REEP5: variants seen among roughly 807,000 people sequenced by gnomAD.
REEP5 encodes receptor expression-enhancing protein 5.
A neutral mutation model predicts 22.4 loss-of-function variants in REEP5; 24 were observed. The observed-to-expected ratio is 1.07, with a 90% CI of 0.78 to 1.51. The LOEUF is 1.51. Ranked by LOEUF, REEP5 falls within the 40% of genes most tolerant of loss-of-function variation. The probability of loss-of-function intolerance (pLI) is 0.00; values close to 1 mark genes in which losing one functional copy is unlikely to be tolerated. For missense variants in REEP5, 252 were observed against 233.0 expected (o/e 1.08, Z -0.53); for synonymous variants, 103 against 88.6 (o/e 1.16, Z -0.92).
chr5:112,909,743 C>T (rs775921202), intron 2 of REEP5, among the ~76,000 whole-genome samples: 2 of 152,172 alleles, frequency 1.3e-5, no homozygotes, highest in Non-Finnish European at 2.9e-5. Flanking sequence ...TTCACTCCAC[C>T]CTTGCTGGCC....
chr5:112,890,300 A>G (rs1326974709), intron 3 of REEP5, among the ~76,000 whole-genome samples: 1 of 150,524 alleles, frequency 6.6e-6, no homozygotes, highest in African/African-American at 2.5e-5. Flanking sequence ...AAAAAGACAA[A>G]AAAAAGTTGA....
intron 4 of REEP5, among the ~76,000 whole-genome samples, chr5:112,880,010 T>G (rs1325279627): frequency 4.6e-5 from 7 of 152,172 alleles, no homozygotes; most frequent in Non-Finnish European, 5.9e-5. Flanking sequence ...TATACTAAAT[T>G]GTTTTTAAAA....
intron 2 of REEP5, among the ~76,000 whole-genome samples, chr5:112,904,353 T>C (rs1385601342): frequency 2.6e-5 from 4 of 152,180 alleles, no homozygotes; most frequent in Non-Finnish European, 5.9e-5. Flanking sequence ...TCATTTGGTA[T>C]AGTATGGCTT....
chr5:112,905,508 T>C (rs1768935055), intron 2 of REEP5, among the ~76,000 whole-genome samples: 1 of 148,536 alleles, frequency 6.7e-6, no homozygotes, highest in Admixed American at 6.8e-5. Flanking sequence ...ACCACTGCAC[T>C]CCAGCCTGGG....
At chr5:112,913,319 AC>A in intron 2 of REEP5, among the ~76,000 whole-genome samples, 1 of 140,448 alleles carries the variant, frequency 7.1e-6, no homozygotes, top group African/African-American at 3.3e-5. Context: ...AGAAAGAAAG[AC>A]AGACAGACAG....
At position 112,877,226 on chromosome 5, in the gene REEP5, T is replaced by C. The variant is rs1767924637; in HGVS notation, c.*1560A>G. 1 of 152,212 alleles carries C rather than the reference T, an allele frequency of 6.6e-6. No homozygotes were observed. The highest frequency in any genetic ancestry group is 6.5e-5 in the Admixed American group (1 of 15,268). 9.4% of individuals were successfully genotyped at this position (152,212 alleles called of 1,614,324 possible). A position where few individuals can be genotyped will look rare whatever the true frequency, so the allele number is the denominator to read the frequency against. ...GTGATACTGTCACTTAGTATTGATA[T>C]CTTTAATATTTTTTACATCATGAGA... On this transcript the variant is annotated 3_prime_UTR_variant, in exon 5 of 5. Transcript: ENST00000379638.
rs1351523208 is a variant in REEP5, at chr5:112,876,477, C to T, written c.*2309G>A. 2 of 152,180 alleles carry T rather than the reference C, an allele frequency of 1.3e-5. No homozygotes were observed. The highest frequency in any genetic ancestry group is 6.5e-5 in the Admixed American group (1 of 15,274). 9.4% of individuals were successfully genotyped at this position (152,180 alleles called of 1,614,324 possible). On this transcript the variant is annotated 3_prime_UTR_variant, in exon 5 of 5. Coordinates refer to ENST00000379638, the MANE Select transcript of REEP5 (RefSeq NM_005669.5). ...GTGATAACAGTGTGAAGGGTGTGCTCATTTTCTTCAGCTGTGAGTAGAGGA... is the reference window on the plus strand; with the variant it reads ...GTGATAACAGTGTGAAGGGTGTGCTTATTTTCTTCAGCTGTGAGTAGAGGA...
chr5:112,913,969 C>A (rs767618496), intron 2 of REEP5, among the ~76,000 whole-genome samples: 2 of 151,684 alleles, frequency 1.3e-5, no homozygotes, highest in Non-Finnish European at 2.9e-5. Context: ...GCCTGGGCAA[C>A]ATGGCAAAAC....
chr5:112,878,896 T>C (rs1484837471), intron 4 of REEP5, 61 bp from the exon 5 acceptor site: 5 of 1,612,716 alleles, frequency 3.1e-6, no homozygotes, highest in Non-Finnish European at 4.2e-6. Flanking sequence ...GAATGCAAGC[T>C]TGCAAGCTTT....
chr5:112,922,129 T>C lies in REEP5; in HGVS notation c.62A>G (p.Asp21Gly), dbSNP rs922299171. Residue 21 changes from aspartate to glycine, a missense_variant, in exon 1 of 5, where the codon GAC (aspartate) becomes GGC (glycine). Physicochemically the swap from Asp to Gly is moderately conservative, Grantham distance 94 (BLOSUM62 -1). Transcript: ENST00000379638. Reference sequence around the variant, plus strand: ...TTTGGCCTCGAGCTTGGCCAGAAGGTCAGTCATGCAGTTCTTCTCGTGCAG... The same window carrying C: ...TTTGGCCTCGAGCTTGGCCAGAAGGCCAGTCATGCAGTTCTTCTCGTGCAG... ...RFLHEKNCMT[D>G]LLAKLEAKTG... 2 of 1,606,246 alleles carry C rather than the reference T, an allele frequency of 1.2e-6. No homozygotes were observed. Among genetic ancestry groups the C allele is most frequent in the Non-Finnish European group, 1.7e-6 (2 of 1,176,728 alleles).
chr5:112,911,051 G>T (rs569087574), intron 2 of REEP5, among the ~76,000 whole-genome samples: 6 of 152,210 alleles, frequency 3.9e-5, no homozygotes, highest in Non-Finnish European at 8.8e-5. Context: ...AAATACGGTA[G>T]AAGGCTTTGG....
At chr5:112,890,808 T>A in intron 3 of REEP5, among the ~76,000 whole-genome samples, 1 of 150,936 alleles carries the variant, frequency 6.6e-6, no homozygotes, top group Non-Finnish European at 1.5e-5. Flanking sequence ...TTCTGCCATT[T>A]ACTAGCTAAG....
intron 2 of REEP5, among the ~76,000 whole-genome samples, chr5:112,908,101 G>T (rs7710836): frequency 0.17 from 13,943 of 82,728 alleles, 1,531 homozygotes; most frequent in African/African-American, 0.33. Flanking sequence ...TTTGTTTTTT[G>T]TTTTTTTTTT....
At chr5:112,908,267 GT>G (rs1322715215) in intron 2 of REEP5, among the ~76,000 whole-genome samples, 2 of 151,366 alleles carry the variant, frequency 1.3e-5, no homozygotes, top group African/African-American at 2.4e-5. Flanking sequence ...CGCCCCGCTA[GT>G]TTTTTTGTAT....
At chr5:112,904,288 T>C (rs1768908264) in intron 2 of REEP5, among the ~76,000 whole-genome samples, 1 of 152,238 alleles carries the variant, frequency 6.6e-6, no homozygotes, top group African/African-American at 2.4e-5. Flanking sequence ...ACAAGCATGT[T>C]AACCAAAGAA....
intron 2 of REEP5, among the ~76,000 whole-genome samples, chr5:112,912,862 C>A (rs1769136441): frequency 6.6e-6 from 1 of 152,166 alleles, no homozygotes; most frequent in African/African-American, 2.4e-5. Context: ...AGTTCGTTTC[C>A]ATGCCAATAA....
chr5:112,885,640 C>T (rs780171028), intron 4 of REEP5: 52 of 294,634 alleles, frequency 1.8e-4, no homozygotes, highest in Admixed American at 7.1e-4. Context: ...GTCTGCCAGC[C>T]TGGAGCAGCT....
At chr5:112,920,537 C>A (rs935341492) in intron 2 of REEP5, among the ~76,000 whole-genome samples, 6 of 152,054 alleles carry the variant, frequency 3.9e-5, no homozygotes, top group Non-Finnish European at 7.4e-5. Flanking sequence ...AAATTCAGAT[C>A]CTAATCGTAA....
chr5:112,892,134 G>A, intron 3 of REEP5: 1 of 1,614,124 alleles, frequency 6.2e-7, no homozygotes. Context: ...AACCACCCGT[G>A]GATTTCAGAG....
Sources: gnomAD v4.1 joint callset for allele counts (sites outside exome capture counted in the v4.1 genomes callset) on GRCh38, gnomAD v4.1.1 for gene constraint, MANE v1.5 for transcripts, NCBI Gene and HGNC (gene_info 2026-07-23, HGNC 2026-07-21) for gene names.